SMARCA4: variants seen among roughly 807,000 people sequenced by gnomAD.
The protein encoded by SMARCA4 is SWI/SNF-related matrix-associated actin-dependent regulator of chromatin subfamily A member 4.
A neutral mutation model predicts 193.9 loss-of-function variants in SMARCA4; 31 were observed. That is an observed-to-expected ratio of 0.16 (90% CI 0.12 to 0.22). SMARCA4 has a LOEUF of 0.22. Ranked by LOEUF, SMARCA4 falls within the 10% of genes least tolerant of loss-of-function variation. The probability of loss-of-function intolerance (pLI) is 1.00; values close to 1 mark genes in which losing one functional copy is unlikely to be tolerated. For synonymous variants in SMARCA4, 942 were observed against 933.1 expected, an observed-to-expected ratio of 1.01 and a Z score of -0.17; for missense variants, 1,148 against 2,296.0, an observed-to-expected ratio of 0.50 and a Z score of 10.22.
intron 34 of SMARCA4, 128 bp from the exon 35 acceptor site, chr19:11,061,656 G>A (rs879587274): frequency 1.9e-5 from 17 of 911,640 alleles, no homozygotes; most frequent in South Asian, 6.5e-5. Flanking sequence ...GATTACGGGC[G>A]TGAGCCACCG....
At chr19:10,993,984 G>A (rs1196581918) in intron 8 of SMARCA4, among the ~76,000 whole-genome samples, 3 of 151,974 alleles carry the variant, frequency 2.0e-5, no homozygotes, top group African/African-American at 4.8e-5. Context: ...ACCCAACCGC[G>A]GCAGGCAAAG....
intron 1 of SMARCA4, among the ~76,000 whole-genome samples, chr19:10,972,534 G>T (rs4804554): frequency 0.2 from 30,623 of 152,072 alleles, 3,320 homozygotes; most frequent in South Asian, 0.26. Context: ...CCTGGTGTTT[G>T]GAACCAGCTT....
In SMARCA4 at chr19:11,027,624, G is replaced by A. The variant is rs1177635419; in HGVS notation, c.3216-160G>A. On this transcript the variant is annotated intron_variant, in intron 23 of 34. Transcript: ENST00000344626. The stretch of plus-strand genomic sequence containing the variant: ...TATTTCAGTTGGGGGAAATGGCTTT[G>A]CTGAAGCTTTGGGTGGGTGACGTCT... 4 of 773,652 alleles carry A rather than the reference G, an allele frequency of 5.2e-6. No individual in the cohort carries two copies. The African/African-American group carries it at 6.8e-5, about 13-fold the overall frequency. 47.9% of individuals were successfully genotyped at this position (773,652 alleles called of 1,614,324 possible). A position where few individuals can be genotyped will look rare whatever the true frequency, so the allele number is the denominator to read the frequency against.
At chr19:11,038,150 G>A (rs912804953) in intron 29 of SMARCA4, among the ~76,000 whole-genome samples, 7 of 152,132 alleles carry the variant, frequency 4.6e-5, no homozygotes, top group African/African-American at 1.7e-4. Context: ...GTGTGGGCAG[G>A]GCTGTGTTCC....
At chr19:10,970,472 T>A (rs1039370782) in intron 1 of SMARCA4, among the ~76,000 whole-genome samples, 2 of 152,210 alleles carry the variant, frequency 1.3e-5, no homozygotes, top group African/African-American at 4.8e-5. Flanking sequence ...CAGGCTGGAG[T>A]GCAGTGATAC....
At chr19:10,977,066 A>G (rs1298856786) in intron 1 of SMARCA4, among the ~76,000 whole-genome samples, 1 of 152,168 alleles carries the variant, frequency 6.6e-6, no homozygotes, top group African/African-American at 2.4e-5. Flanking sequence ...CAAAACAAAT[A>G]AATAAACAAA....
intron 14 of SMARCA4, among the ~76,000 whole-genome samples, chr19:11,008,888 C>T (rs977864848): frequency 3.3e-5 from 5 of 149,584 alleles, no homozygotes; most frequent in African/African-American, 7.4e-5. Flanking sequence ...ACAGGAGAAT[C>T]GCTTGAAATG....
chr19:10,998,403 G>A (rs1383085255), intron 11 of SMARCA4, among the ~76,000 whole-genome samples: 1 of 151,766 alleles, frequency 6.6e-6, no homozygotes, highest in Non-Finnish European at 1.5e-5. Context: ...TCCAGTTACT[G>A]TTTTTTTCTT....
At chr19:11,048,207 ACTT>A (rs1191507449) in intron 30 of SMARCA4, among the ~76,000 whole-genome samples, 1 of 151,976 alleles carries the variant, frequency 6.6e-6, no homozygotes, top group African/African-American at 2.4e-5. Flanking sequence ...AAGAAAAAAA[ACTT>A]CTTTTTGTTT....
chr19:11,025,739 G>A, intron 22 of SMARCA4: 3 of 525,024 alleles, frequency 5.7e-6, no homozygotes, highest in Non-Finnish European at 1.1e-5. Flanking sequence ...CTTGCCCTCA[G>A]AGAGCAGGAG....
intron 9 of SMARCA4, 39 bp downstream of exon 9, chr19:10,995,040 T>A (rs1208477194): frequency 3.8e-6 from 6 of 1,566,808 alleles, no homozygotes; most frequent in Non-Finnish European, 5.2e-6. Context: ...CTTCTACATG[T>A]GTAGCTGGTA....
intron 11 of SMARCA4, among the ~76,000 whole-genome samples, chr19:10,998,041 A>G (rs1317602327): frequency 1.3e-5 from 2 of 152,010 alleles, no homozygotes; most frequent in African/African-American, 4.8e-5. Flanking sequence ...TTAGTCTTAA[A>G]GAGCTCCTTG....
At chr19:11,003,002 A>T (rs2146093050) in intron 11 of SMARCA4, 27 bp from the exon 12 acceptor site, 1 of 1,613,762 alleles carries the variant, frequency 6.2e-7, no homozygotes, top group South Asian at 1.1e-5. Context: ...CTGCAACCTC[A>T]GTGTCACACG....
chr19:11,058,345 G>C lies in SMARCA4; in HGVS notation c.4515G>C (p.Val1505=). ...PEYYELIRKP[V]DFKKIKERIR... Reference sequence around the variant, plus strand: ...ACTACGAGCTCATCCGCAAGCCCGTGGACTTCAAGAAGATAAAGGTAACCC... The same window carrying C: ...ACTACGAGCTCATCCGCAAGCCCGTCGACTTCAAGAAGATAAAGGTAACCC... Residue 1505 remains valine, a synonymous_variant, in exon 31 of 35, where the codon GTG becomes GTC. Transcript: ENST00000344626. This position sits in a 1 kb window ranked among gnomAD's most constrained non-coding sequence, Gnocchi z 5.8. 6.2e-7 allele frequency: 1 copy of C among 1,612,172 alleles called. No homozygotes were observed. The highest frequency in any genetic ancestry group is 1.1e-5 in the South Asian group (1 of 91,066).
chr19:11,038,905 G>A (rs993475709), intron 29 of SMARCA4, among the ~76,000 whole-genome samples: 3 of 152,182 alleles, frequency 2.0e-5, no homozygotes, highest in East Asian at 1.9e-4. Flanking sequence ...TGTCAATAGC[G>A]TTATTTAAAA....
rs919951305 is a variant in SMARCA4 at position 11,033,096 on chromosome 19, C to A, written c.3547-194C>A. 4.6e-6 allele frequency: 3 copies of A among 658,356 alleles called. No individual in the cohort carries two copies. The African/African-American group carries it at 5.3e-5, about 12-fold the overall frequency. The allele number at this position is 658,356 out of a possible 1,614,324, so 40.8% of individuals were successfully genotyped here. On this transcript the variant is annotated intron_variant, in intron 25 of 34. Transcript: ENST00000344626. The surrounding 1 kb of genome is among the most constrained non-coding windows in gnomAD (Gnocchi z 9.8). ...ACTTCTGGAGGAACGTGATGAGAGTCCCCTTCCCCCGAGGGACACATGGCG... is the reference window on the plus strand; with the variant it reads ...ACTTCTGGAGGAACGTGATGAGAGTACCCTTCCCCCGAGGGACACATGGCG...
chr19:10,964,092 A>G (rs1483001664), intron 1 of SMARCA4, among the ~76,000 whole-genome samples: 1 of 152,130 alleles, frequency 6.6e-6, no homozygotes, highest in Non-Finnish European at 1.5e-5. Context: ...GAATTGTGAT[A>G]TAGGGCAGTG....
At chr19:11,054,130 G>A (rs1009366007) in intron 30 of SMARCA4, among the ~76,000 whole-genome samples, 4 of 152,208 alleles carry the variant, frequency 2.6e-5, no homozygotes, top group Admixed American at 6.5e-5. Context: ...ACTCACGCTG[G>A]CTCAGTATCT....
chr19:11,002,723 G>A (rs1375125184), intron 11 of SMARCA4, among the ~76,000 whole-genome samples: 1 of 149,672 alleles, frequency 6.7e-6, no homozygotes, highest in African/African-American at 2.5e-5. Flanking sequence ...AACCCAGGAG[G>A]CAGAGGTTGT....
Sources: allele counts gnomAD v4.1 joint callset (sites outside exome capture counted in the v4.1 genomes callset), GRCh38; gene constraint gnomAD v4.1.1; non-coding constraint Gnocchi (gnomAD v3.1); transcripts MANE v1.5; gene names NCBI Gene and HGNC (gene_info 2026-07-23, HGNC 2026-07-21).